Variants in CEP126 observed in about 807,000 individuals in gnomAD.
CEP126 encodes centrosomal protein 126.
Under a neutral mutation model 107.8 loss-of-function variants are expected in CEP126, and 74 were observed. The ratio of observed to expected loss-of-function variants is 0.69; its 90% confidence interval spans 0.57 to 0.83. CEP126 has a LOEUF of 0.83. CEP126 is among the 40% of genes least tolerant of loss of function. The pLI is 0.00. For synonymous variants in CEP126, 449 were observed against 446.0 expected, an observed-to-expected ratio of 1.01 and a Z score of -0.08; for missense variants, 1,237 against 1,281.9, an observed-to-expected ratio of 0.96 and a Z score of 0.53.
intron 10 of CEP126, among the ~76,000 whole-genome samples, chr11:101,996,352 C>T (rs183715999): frequency 2.6e-5 from 4 of 152,330 alleles, no homozygotes; most frequent in Admixed American, 2.0e-4. Context: ...ACAGCCTGCT[C>T]AGTCATCCTT....
In CEP126 at chr11:101,998,817, A is replaced by G. The variant is rs543573480; in HGVS notation, c.*1174A>G. The G allele has an allele frequency of 2.0e-5, 3 of 152,176 alleles. No homozygotes were observed. The highest frequency in any genetic ancestry group is 3.9e-4 in the East Asian group (2 of 5,166). The allele number at this position is 152,176 out of a possible 1,614,324, so 9.4% of individuals were successfully genotyped here. A position where few individuals can be genotyped will look rare whatever the true frequency, so the allele number is the denominator to read the frequency against. The stretch of plus-strand genomic sequence containing the variant: ...CTGACCAGCCACCCAAACCATGGGT[A>G]TTTTTGTCTCCACTTTAGAGATGAG... On this transcript the variant is annotated 3_prime_UTR_variant, in exon 11 of 11. Coordinates refer to ENST00000263468, the MANE Select transcript of CEP126 (RefSeq NM_020802.4).
intron 2 of CEP126, among the ~76,000 whole-genome samples, chr11:101,937,546 G>A (rs980684717): frequency 6.6e-6 from 1 of 152,142 alleles, no homozygotes; most frequent in Non-Finnish European, 1.5e-5. Context: ...TTTTGTGAAG[G>A]ATTTTTGTGT....
intron 9 of CEP126, among the ~76,000 whole-genome samples, chr11:101,990,275 T>C (rs1941363087): frequency 6.6e-6 from 1 of 152,092 alleles, no homozygotes; most frequent in Non-Finnish European, 1.5e-5. Context: ...AGTGCAGGCC[T>C]GACAAAAGGC....
Position 101,975,395 on chromosome 11 carries a change from ATATT to A in CEP126, c.2846-2946_2846-2943del, listed in dbSNP as rs1403894490. Among the ~76,000 whole-genome samples, 4 of 152,340 alleles carry A rather than the reference ATATT, an allele frequency of 2.6e-5. No individual in the cohort carries two copies. In the East Asian group the frequency reaches 7.7e-4, roughly 29 times the overall value. On this transcript the variant is annotated intron_variant, in intron 6 of 10. Transcript: ENST00000263468. ...TGTCTCCAAGGTCACAATGCAAAATATATTTATTTCTGTGAGACACAATCAATCA... is the reference window on the plus strand; with the variant it reads ...TGTCTCCAAGGTCACAATGCAAAATATATTTCTGTGAGACACAATCAATCA...
In CEP126 at chr11:101,944,325, AC is replaced by A; in HGVS notation, c.310del (p.Leu104PhefsTer37). On this transcript the variant is annotated frameshift_variant, in exon 3 of 11. Transcript: ENST00000263468. LOFTEE classifies it high-confidence loss of function. ...EKEHQIREQI[L>X]QQRKQKFEEV... is the part of the protein sequence containing the mutation. ...AAGAACACCAAATTAGAGAACAAAT[AC>A]TTCAACAAAGAAAACAGAAGTTTGA... 2 of 1,611,924 alleles carry A rather than the reference AC, an allele frequency of 1.2e-6. No homozygotes were observed. The highest frequency in any genetic ancestry group is 1.7e-6 in the Non-Finnish European group (2 of 1,179,146).
intron 5 of CEP126, 34 bp downstream of exon 5, chr11:101,958,400 A>G: frequency 6.3e-7 from 1 of 1,577,992 alleles, no homozygotes. Flanking sequence ...TAATATTTTA[A>G]TTCCTTGCAC....
Position 101,962,091 on chromosome 11 carries a change from T to G in CEP126, c.1056T>G (p.Pro352=). The G allele has an allele frequency of 2.5e-6, 4 of 1,612,546 alleles. No homozygotes were observed. The highest frequency in any genetic ancestry group is 1.7e-6 in the Non-Finnish European group (2 of 1,179,378). ...YFNSKEQNPS[P]LNGTVERATN... is the part of the protein sequence containing the mutation. ...ATAGTAAAGAACAAAATCCATCTCC[T>G]TTGAATGGAACAGTGGAAAGAGCCA... The change falls in exon 6 of 11, where the codon CCT becomes CCG. Residue 352 remains proline, a synonymous_variant. Transcript: ENST00000263468.
At chr11:101,921,777 CTTTTTTTT>C (rs747642967) in intron 1 of CEP126, among the ~76,000 whole-genome samples, 1 of 55,004 alleles carries the variant, frequency 1.8e-5, no homozygotes, top group African/African-American at 7.3e-5. Context: ...TTCATGATTT[CTTTTTTTT>C]TTTTTTTTTT....
At chr11:101,991,399 G>GA (rs1035827942) in intron 9 of CEP126, among the ~76,000 whole-genome samples, 3 of 151,298 alleles carry the variant, frequency 2.0e-5, no homozygotes, top group Non-Finnish European at 3.0e-5. Flanking sequence ...AAGAACAAGA[G>GA]AAAAAAAACA....
At chr11:101,977,807 T>C (rs1220761628) in intron 6 of CEP126, among the ~76,000 whole-genome samples, 1 of 152,146 alleles carries the variant, frequency 6.6e-6, no homozygotes, top group African/African-American at 2.4e-5. Flanking sequence ...TAAATTCACT[T>C]ACCTGGGCAC....
At chr11:101,952,693 A>G (rs1188859648) in intron 4 of CEP126, among the ~76,000 whole-genome samples, 1 of 152,188 alleles carries the variant, frequency 6.6e-6, no homozygotes, top group Non-Finnish European at 1.5e-5. Context: ...GGGAGGAAGT[A>G]ATTGGAAGGA....
intron 9 of CEP126, among the ~76,000 whole-genome samples, chr11:101,990,819 G>C (rs996903934): frequency 4.6e-5 from 7 of 152,036 alleles, no homozygotes; most frequent in African/African-American, 1.7e-4. Flanking sequence ...GGGGTGGGGG[G>C]ACTCTCCAAG....
intron 10 of CEP126, among the ~76,000 whole-genome samples, chr11:101,996,670 A>C (rs1172959140): frequency 6.6e-6 from 1 of 152,218 alleles, no homozygotes; most frequent in African/African-American, 2.4e-5. Context: ...TTCTGAAAAA[A>C]GCTTCAGAGT....
chr11:101,995,323 A>G (rs1941430152), intron 10 of CEP126, among the ~76,000 whole-genome samples: 1 of 152,150 alleles, frequency 6.6e-6, no homozygotes, highest in Non-Finnish European at 1.5e-5. Flanking sequence ...TTGAAACACA[A>G]GTTAGTTCTA....
At position 101,933,817 on chromosome 11, in the gene CEP126, C is replaced by T. The variant is rs183135969; in HGVS notation, c.249-10448C>T. Among the ~76,000 whole-genome samples the T allele has an allele frequency of 1.5e-4, 23 of 149,178 alleles. No individual in the cohort carries two copies. The East Asian group carries it at 4.0e-3, about 26-fold the overall frequency. ...ATGGAAAACTTTCACCCCCGAGACCCCCCCCCCACCAAAACAATTAAGACT... is the reference window on the plus strand; with the variant it reads ...ATGGAAAACTTTCACCCCCGAGACCTCCCCCCCACCAAAACAATTAAGACT... On this transcript the variant is annotated intron_variant, in intron 2 of 10. Coordinates refer to ENST00000263468, the MANE Select transcript of CEP126 (RefSeq NM_020802.4).
intron 2 of CEP126, among the ~76,000 whole-genome samples, chr11:101,930,245 C>G (rs1367203425): frequency 6.6e-6 from 1 of 151,974 alleles, no homozygotes; most frequent in African/African-American, 2.4e-5. Flanking sequence ...CACAGATACT[C>G]AAGTCTCTTA....
intron 2 of CEP126, among the ~76,000 whole-genome samples, chr11:101,938,527 C>T (rs963241154): frequency 4.0e-5 from 6 of 151,484 alleles, no homozygotes; most frequent in Non-Finnish European, 8.8e-5. Context: ...GATTTTAAAC[C>T]TTTCCCCTTT....
Position 101,962,152 on chromosome 11 carries a change from A to G in CEP126, c.1117A>G (p.Ser373Gly). The change falls in exon 6 of 11, where the codon AGC (serine) becomes GGC (glycine). Residue 373 changes from serine (S) to glycine (G), a missense_variant. Ser to Gly is a moderately conservative substitution (Grantham distance 56, BLOSUM62 0). Transcript: ENST00000263468. ...TANNSVPFVS[S>G]PPMFVLDKKC... ...TAATAATTCAGTACCCTTTGTATCTAGCCCACCCATGTTTGTACTAGATAA... is the reference window on the plus strand; with the variant it reads ...TAATAATTCAGTACCCTTTGTATCTGGCCCACCCATGTTTGTACTAGATAA... The G allele has an allele frequency of 6.2e-7, 1 of 1,613,332 alleles. No individual in the cohort carries two copies. Among genetic ancestry groups the G allele is most frequent in the Non-Finnish European group, 8.5e-7 (1 of 1,179,720 alleles).
intron 6 of CEP126, among the ~76,000 whole-genome samples, chr11:101,965,371 G>T (rs1012418194): frequency 4.6e-5 from 7 of 152,150 alleles, no homozygotes; most frequent in African/African-American, 9.7e-5. Flanking sequence ...AGGGACATTT[G>T]TGTAATTCAT....
Sources: allele counts gnomAD v4.1 joint callset (sites outside exome capture counted in the v4.1 genomes callset), GRCh38; gene constraint gnomAD v4.1.1; transcripts MANE v1.5; gene names NCBI Gene and HGNC (gene_info 2026-07-23, HGNC 2026-07-21).